Variants in FRMD4B observed in about 807,000 individuals in gnomAD.
FRMD4B encodes the protein FERM domain containing 4B, also known as FERM domain-containing protein 4B.
A neutral mutation model predicts 141.5 loss-of-function variants in FRMD4B; 74 were observed. The ratio of observed to expected loss-of-function variants is 0.52; its 90% CI spans 0.43 to 0.63. The LOEUF (loss-of-function observed/expected upper bound fraction) is 0.63. FRMD4B is among the 30% of genes least tolerant of loss of function. The probability of loss-of-function intolerance (pLI) is 0.00; values close to 1 mark genes in which losing one functional copy is unlikely to be tolerated. For synonymous variants in FRMD4B, 506 were observed against 467.9 expected (o/e 1.08, Z -1.05); for missense variants, 1,366 against 1,253.4 (o/e 1.09, Z -1.36).
intron 1 of FRMD4B, among the ~76,000 whole-genome samples, chr3:69,365,705 C>A (rs1026480227): frequency 6.6e-6 from 1 of 151,950 alleles, no homozygotes; most frequent in African/African-American, 2.4e-5. Context: ...ACCATGTTGG[C>A]CAGGCTCATC....
intron 9 of FRMD4B, among the ~76,000 whole-genome samples, chr3:69,220,356 C>A (rs1365893380): frequency 6.6e-6 from 1 of 152,136 alleles, no homozygotes; most frequent in Non-Finnish European, 1.5e-5. Flanking sequence ...TCCTATGGGC[C>A]CACCATTGTA....
intron 1 of FRMD4B, among the ~76,000 whole-genome samples, chr3:69,456,233 C>CA (rs1194967851): frequency 7.1e-5 from 9 of 127,202 alleles, no homozygotes; most frequent in Non-Finnish European, 1.3e-4. Flanking sequence ...TCATGAAACT[C>CA]AAAGTGTTTG....
At chr3:69,439,324 T>G (rs1484218164) in intron 1 of FRMD4B, among the ~76,000 whole-genome samples, 1 of 152,190 alleles carries the variant, frequency 6.6e-6, no homozygotes, top group Non-Finnish European at 1.5e-5. Context: ...ATGATTCTCC[T>G]TCTGTACAGA....
At chr3:69,519,800 T>C (rs1403631489) in intron 1 of FRMD4B, among the ~76,000 whole-genome samples, 10 of 151,770 alleles carry the variant, frequency 6.6e-5, no homozygotes, top group South Asian at 2.1e-4. Flanking sequence ...CCTCCCATCT[T>C]TTCCCGAGTC....
At chr3:69,187,479 C>G (rs757426956) in intron 19 of FRMD4B, among the ~76,000 whole-genome samples, 1 of 149,522 alleles carries the variant, frequency 6.7e-6, no homozygotes, top group African/African-American at 2.5e-5. Context: ...GCGGACGTTG[C>G]GGTGAGCTGG....
At chr3:69,478,791 A>T (rs1358484831) in intron 1 of FRMD4B, among the ~76,000 whole-genome samples, 5 of 151,888 alleles carry the variant, frequency 3.3e-5, no homozygotes, top group African/African-American at 4.8e-5. Flanking sequence ...ATCTGTCTAA[A>T]GTTGACAGTG....
Position 69,230,236 on chromosome 3 carries a change from A to C in FRMD4B, c.582-5546T>G, listed in dbSNP as rs1322307258. Among the ~76,000 whole-genome samples the C allele has an allele frequency of 3.9e-5, 6 of 152,074 alleles. No homozygotes were observed. The South Asian group carries it at 1.2e-3, about 32-fold the overall frequency. ...CGTGATCCACCTGCCTTGGCCTCCC[A>C]AAGTGCTGGGATTACAGGCATGAGC... is the stretch of plus-strand genomic sequence containing the variant. On this transcript the variant is annotated intron_variant, in intron 7 of 22. Transcript: ENST00000398540.
chr3:69,249,508 G>A (rs1030728544), intron 6 of FRMD4B, among the ~76,000 whole-genome samples: 28 of 152,164 alleles, frequency 1.8e-4, no homozygotes, highest in African/African-American at 5.1e-4. Flanking sequence ...CTCACTGTAC[G>A]TTTTTAAGAT....
At chr3:69,412,869 T>TTTTA (rs1704783176) in intron 2 of FRMD4B, among the ~76,000 whole-genome samples, 1 of 82,694 alleles carries the variant, frequency 1.2e-5, no homozygotes, top group African/African-American at 5.2e-5. Context: ...TTTTTTTTTT[T>TTTTA]GAGACGAGAA....
Position 69,195,090 on chromosome 3 carries a change from G to A in FRMD4B, c.1420C>T (p.Pro474Ser), listed in dbSNP as rs2092886729. 1 of 1,613,688 alleles carries A rather than the reference G, an allele frequency of 6.2e-7. No homozygotes were observed. The highest frequency in any genetic ancestry group is 8.5e-7 in the Non-Finnish European group (1 of 1,179,604). Reference sequence around the variant, plus strand: ...CCCACACGTCTTCTGACCTGAGGAGGCTTCTCGCCTATGTTCAGGGGATAC... The same window carrying A: ...CCCACACGTCTTCTGACCTGAGGAGACTTCTCGCCTATGTTCAGGGGATAC... Reference protein sequence around the residue: ...KEYPLNIGEKPPQVRRRVGTA... With the variant: ...KEYPLNIGEKSPQVRRRVGTA... Residue 474 changes from proline to serine, a missense_variant, in exon 16 of 23, where the codon CCT becomes TCT. By Grantham distance (74) the Pro-to-Ser change is moderately conservative. Transcript: ENST00000398540.
In FRMD4B at chr3:69,181,318, G is replaced by C. The variant is rs747794806; in HGVS notation, c.2432C>G (p.Pro811Arg). The C allele has an allele frequency of 3.1e-6, 5 of 1,613,346 alleles. No individual in the cohort carries two copies. The Admixed American group carries it at 5.0e-5, about 16-fold the overall frequency. ...GTAATAAAAGTCACACTCTGCATAGGGTGTGTACCCGGCAATGTAGTAACT... is the reference window on the plus strand; with the variant it reads ...GTAATAAAAGTCACACTCTGCATAGCGTGTGTACCCGGCAATGTAGTAACT... ...SSSYYIAGYT[P>R]YAECDFYYSG... Residue 811 changes from proline to arginine, a missense_variant, in exon 21 of 23, where the codon CCC (proline) becomes CGC (arginine). Physicochemically the swap from Pro to Arg is moderately radical, Grantham distance 103 (BLOSUM62 -2). Transcript: ENST00000398540.
At chr3:69,247,095 GTAA>G (rs202123957) in intron 7 of FRMD4B, among the ~76,000 whole-genome samples, 1 of 152,168 alleles carries the variant, frequency 6.6e-6, no homozygotes, top group Non-Finnish European at 1.5e-5. Flanking sequence ...TAGGATGATA[GTAA>G]TAATGAGGAT....
intron 1 of FRMD4B, among the ~76,000 whole-genome samples, chr3:69,482,356 G>A (rs764410477): frequency 6.6e-6 from 1 of 152,084 alleles, no homozygotes; most frequent in Admixed American, 6.5e-5. Flanking sequence ...TGGGAATTAC[G>A]AGCCATGCCC....
At chr3:69,226,210 T>C (rs2107765319) in intron 7 of FRMD4B, among the ~76,000 whole-genome samples, 1 of 152,270 alleles carries the variant, frequency 6.6e-6, no homozygotes, top group African/African-American at 2.4e-5. Context: ...GTCACTTGGC[T>C]CCTGTTCTTA....
chr3:69,450,959 A>G (rs946629840), intron 1 of FRMD4B, among the ~76,000 whole-genome samples: 1 of 152,196 alleles, frequency 6.6e-6, no homozygotes, highest in Non-Finnish European at 1.5e-5. Flanking sequence ...GCTCTGACTA[A>G]TAAGAAGAAA....
intron 5 of FRMD4B, among the ~76,000 whole-genome samples, chr3:69,277,847 TTTTC>T (rs1267291428): frequency 9.0e-6 from 1 of 110,510 alleles, no homozygotes; most frequent in African/African-American, 3.2e-5. Flanking sequence ...AGCATTTTCT[TTTTC>T]TTTCTTTCTT....
At chr3:69,453,233 T>C (rs560404120) in intron 1 of FRMD4B, among the ~76,000 whole-genome samples, 32 of 152,346 alleles carry the variant, frequency 2.1e-4, no homozygotes, top group African/African-American at 7.7e-4. Flanking sequence ...TGTATCTATG[T>C]ACAGTGCCTT....
intron 1 of FRMD4B, among the ~76,000 whole-genome samples, chr3:69,441,209 T>C (rs1355786937): frequency 1.3e-5 from 2 of 152,222 alleles, no homozygotes; most frequent in East Asian, 1.9e-4. Flanking sequence ...CCTGGACTTT[T>C]ATTGTATGTT....
chr3:69,539,065 G>A (rs1394377567), intron 1 of FRMD4B, among the ~76,000 whole-genome samples: 2 of 152,076 alleles, frequency 1.3e-5, no homozygotes, highest in African/African-American at 2.4e-5. Context: ...AGATCTCTGG[G>A]GCAGATTTAA....
Sources: gnomAD v4.1 joint callset for allele counts (sites outside exome capture counted in the v4.1 genomes callset) on GRCh38, gnomAD v4.1.1 for gene constraint, MANE v1.5 for transcripts, NCBI Gene and HGNC (gene_info 2026-07-23, HGNC 2026-07-21) for gene names.